ANKHD1: variants seen among roughly 807,000 people sequenced by gnomAD.
ANKHD1 encodes the protein ankyrin repeat and KH domain containing 1.
Under a neutral mutation model 230.5 loss-of-function variants are expected in ANKHD1, and 31 were observed. That is an observed-to-expected ratio of 0.13 (90% CI 0.10 to 0.18). ANKHD1 has a LOEUF of 0.18. Among genes scored for constraint, ANKHD1 ranks in the 10% least tolerant of loss-of-function variants. The pLI is 1.00. For synonymous variants in ANKHD1, 1,074 were observed against 1,117.6 expected, an observed-to-expected ratio of 0.96 and a Z score of 0.78; for missense variants, 2,256 against 3,071.3, an observed-to-expected ratio of 0.73 and a Z score of 6.27.
chr5:140,515,281 A>C (rs185801796), intron 24 of ANKHD1, among the ~76,000 whole-genome samples: 9,046 of 144,598 alleles, frequency 0.063, 320 homozygotes, highest in Non-Finnish European at 0.084. Context: ...CTGTCCCCCC[A>C]AAAAAAAAAA....
At chr5:140,426,990 A>G (rs995297514) in intron 1 of ANKHD1, among the ~76,000 whole-genome samples, 3 of 152,078 alleles carry the variant, frequency 2.0e-5, no homozygotes, top group Non-Finnish European at 2.9e-5. Flanking sequence ...ATTCCACAAA[A>G]CAGCCATTGT....
At chr5:140,483,443 A>G (rs966872653) in intron 11 of ANKHD1, among the ~76,000 whole-genome samples, 1 of 150,166 alleles carries the variant, frequency 6.7e-6, no homozygotes, top group African/African-American at 2.5e-5. Flanking sequence ...ATGCAGGGTA[A>G]GATTTTATCT....
chr5:140,411,497 GT>G (rs528063904), intron 1 of ANKHD1, among the ~76,000 whole-genome samples: 160 of 123,544 alleles, frequency 1.3e-3, no homozygotes, highest in Non-Finnish European at 1.8e-3. Context: ...TGTTGGAAAA[GT>G]TTTTTTTTTT....
At chr5:140,426,726 G>C (rs1772450456) in intron 1 of ANKHD1, among the ~76,000 whole-genome samples, 1 of 152,052 alleles carries the variant, frequency 6.6e-6, no homozygotes, top group South Asian at 2.1e-4. Flanking sequence ...CTCTTAAAGA[G>C]CATGCTGCCT....
chr5:140,466,559 A>AT (rs1776104204), intron 10 of ANKHD1, among the ~76,000 whole-genome samples: 1 of 152,190 alleles, frequency 6.6e-6, no homozygotes, highest in African/African-American at 2.4e-5. Context: ...TAGAGTGTTT[A>AT]TTATTTAGTT....
In ANKHD1 at chr5:140,419,788, T is replaced by TTC. The variant is rs760958601; in HGVS notation, c.307-16314_307-16313dup. Among the ~76,000 whole-genome samples, 157 of 87,996 alleles carry TTC rather than the reference T, an allele frequency of 1.8e-3. 1 individual carries two copies. Among genetic ancestry groups the TTC allele is most frequent in the Non-Finnish European group, 2.8e-3 (110 of 39,868 alleles). The allele number at this position is 87,996 out of a possible 152,430, so 57.7% of individuals were successfully genotyped here. ...CTTTCCTTTCTTTTTCTTTCTTTCT[T>TTC]TCTTTCTTTCTTTCTTTCTTTCTTT... On this transcript the variant is annotated intron_variant, in intron 1 of 33. Coordinates refer to ENST00000360839, the MANE Select transcript of ANKHD1 (RefSeq NM_017747.3).
At chr5:140,497,877 CCA>C (rs36224738) in intron 15 of ANKHD1, among the ~76,000 whole-genome samples, 10,108 of 144,400 alleles carry the variant, frequency 0.07, 456 homozygotes, top group African/African-American at 0.13. Flanking sequence ...CCACACCACA[CCA>C]CACACACACA....
intron 10 of ANKHD1, among the ~76,000 whole-genome samples, chr5:140,474,619 G>T (rs1750865271): frequency 8.0e-6 from 1 of 124,758 alleles, no homozygotes; most frequent in Non-Finnish European, 1.6e-5. Flanking sequence ...TTTTTTTGGA[G>T]ATGGTCTCAC....
Position 140,401,885 on chromosome 5 carries a change from C to G in ANKHD1, c.-83C>G. 2 of 1,479,484 alleles carry G rather than the reference C, an allele frequency of 1.4e-6. No individual in the cohort carries two copies. The highest frequency in any genetic ancestry group is 2.7e-5 in the Admixed American group (1 of 37,682). The allele number at this position is 1,479,484 out of a possible 1,614,324, so 91.6% of individuals were successfully genotyped here. The stretch of plus-strand genomic sequence containing the variant: ...CGGGGGAAAGGAGACGCTTCTTCCT[C>G]TTGCTGCTCTTCTCGTTCCCGAGAT... On this transcript the variant is annotated 5_prime_UTR_variant, in exon 1 of 34. Coordinates refer to ENST00000360839, the MANE Select transcript of ANKHD1 (RefSeq NM_017747.3).
At position 140,537,400 on chromosome 5, in the gene ANKHD1, C is replaced by T. The variant is rs1190047501; in HGVS notation, c.7039C>T (p.Pro2347Ser). 6.2e-7 allele frequency: 1 copy of T among 1,614,028 alleles called. No individual in the cohort carries two copies. Among genetic ancestry groups the T allele is most frequent in the African/African-American group, 1.3e-5 (1 of 75,032 alleles). ...TSASNSSTSA[P>S]PTLGQPKGVS... ...TTCACCTCTTTCAGCCACTTCTGCC[C>T]CACCAACGTTGGGCCAACCAAAAGG... The change falls in exon 31 of 34, where the codon CCA (proline) becomes TCA (serine). Residue 2347 changes from proline to serine, a missense_variant. Physicochemically the swap from Pro to Ser is moderately conservative, Grantham distance 74 (BLOSUM62 -1). This residue lies in a region of ANKHD1 where 778 missense variants were observed against 966.5 expected (regional missense o/e 0.80). Coordinates refer to ENST00000360839, the MANE Select transcript of ANKHD1 (RefSeq NM_017747.3).
intron 6 of ANKHD1, among the ~76,000 whole-genome samples, chr5:140,446,210 C>A (rs1774267930): frequency 6.6e-6 from 1 of 151,634 alleles, no homozygotes; most frequent in Non-Finnish European, 1.5e-5. Flanking sequence ...TGAAGTTAAC[C>A]CAACTACTTA....
At chr5:140,450,728 C>T (rs1236296564) in intron 7 of ANKHD1, among the ~76,000 whole-genome samples, 4 of 152,082 alleles carry the variant, frequency 2.6e-5, no homozygotes, top group Non-Finnish European at 5.9e-5. Flanking sequence ...TTTGTAGAGA[C>T]AGCATCTCAC....
intron 30 of ANKHD1, 72 bp from the exon 31 acceptor site, chr5:140,537,317 A>G (rs749870179): frequency 1.5e-5 from 23 of 1,546,344 alleles, no homozygotes; most frequent in East Asian, 1.1e-4. Flanking sequence ...ATAAAACAAT[A>G]GAGAAATATT....
Position 140,438,593 on chromosome 5 carries a change from G to A in ANKHD1, c.593G>A (p.Ser198Asn). 6.2e-7 allele frequency: 1 copy of A among 1,607,760 alleles called. No homozygotes were observed. Among genetic ancestry groups the A allele is most frequent in the African/African-American group, 1.3e-5 (1 of 74,958 alleles). The change falls in exon 3 of 34, where the codon AGC becomes AAC. Residue 198 changes from serine (S) to asparagine (N), a missense_variant. Ser to Asn is a conservative substitution (Grantham distance 46). This residue lies in a region of ANKHD1 where 206 missense variants were observed against 304.5 expected (regional missense o/e 0.68). Coordinates refer to ENST00000360839, the MANE Select transcript of ANKHD1 (RefSeq NM_017747.3). The part of the protein sequence containing the change: ...AALTRMKAEN[S>N]HNAGQVDTRS... ...CTGACACGGATGAAAGCAGAAAACA[G>A]CCACAATGCAGGACAAGTGGACACG...
chr5:140,438,773 G>A (rs1341569810), intron 3 of ANKHD1, among the ~76,000 whole-genome samples, 156 bp downstream of exon 3: 2 of 152,186 alleles, frequency 1.3e-5, no homozygotes, highest in Non-Finnish European at 2.9e-5. Context: ...TATGTATTAT[G>A]TAGCTATACA....
intron 1 of ANKHD1, among the ~76,000 whole-genome samples, chr5:140,407,423 G>A (rs1215514766): frequency 6.6e-6 from 1 of 151,216 alleles, no homozygotes. Context: ...TTTATTTTTA[G>A]AGATGGGCTT....
At chr5:140,484,873 C>A in intron 11 of ANKHD1, 1 of 361,548 alleles carries the variant, frequency 2.8e-6, no homozygotes, top group Non-Finnish European at 4.4e-6. Flanking sequence ...CATTGGGAGG[C>A]TGGGTAGTGA....
intron 10 of ANKHD1, among the ~76,000 whole-genome samples, chr5:140,479,209 G>T (rs1341473261): frequency 6.6e-6 from 1 of 151,060 alleles, no homozygotes; most frequent in African/African-American, 2.4e-5. Context: ...ATGTTAGCTT[G>T]GATGGTCTCA....
At chr5:140,471,695 C>T (rs1776506981) in intron 10 of ANKHD1, among the ~76,000 whole-genome samples, 1 of 152,104 alleles carries the variant, frequency 6.6e-6, no homozygotes, top group Non-Finnish European at 1.5e-5. Context: ...CCTGTCTCAC[C>T]TTTAGATAGT....
Sources: gnomAD v4.1 joint callset for allele counts (sites outside exome capture counted in the v4.1 genomes callset) on GRCh38, gnomAD v4.1.1 for gene constraint, gnomAD v4.1.1 regional missense constraint, MANE v1.5 for transcripts, NCBI Gene and HGNC (gene_info 2026-07-23, HGNC 2026-07-21) for gene names.